The following LGR6 variants were observed in gnomAD, a reference collection of about 807,000 sequenced individuals.
The protein encoded by LGR6 is leucine rich repeat containing G protein-coupled receptor 6.
In LGR6, 45 loss-of-function variants were observed where a neutral mutation model predicts 69.4. The ratio of observed to expected loss-of-function variants is 0.65; its 90% CI spans 0.51 to 0.83. The LOEUF is 0.83. Among genes scored for constraint, LGR6 ranks in the 40% least tolerant of loss-of-function variants. The pLI is 0.00. For missense variants in LGR6, 1,108 were observed against 1,246.7 expected (o/e 0.89, Z 1.68); for synonymous variants, 538 against 555.0 (o/e 0.97, Z 0.43).
At chr1:202,213,553 C>T (rs1421676248) in intron 1 of LGR6, among the ~76,000 whole-genome samples, 3 of 152,118 alleles carry the variant, frequency 2.0e-5, no homozygotes, top group Non-Finnish European at 4.4e-5. Context: ...TGACCCAGAA[C>T]GCCCTCCTCT....
At chr1:202,239,835 A>G (rs930280935) in intron 4 of LGR6, among the ~76,000 whole-genome samples, 9 of 152,160 alleles carry the variant, frequency 5.9e-5, no homozygotes, top group African/African-American at 2.2e-4. Flanking sequence ...CCATTTCTTT[A>G]TCAGTAAAAT....
intron 4 of LGR6, among the ~76,000 whole-genome samples, chr1:202,253,165 A>T (rs1663412765): frequency 2.0e-5 from 3 of 152,218 alleles, no homozygotes; most frequent in Non-Finnish European, 4.4e-5. Flanking sequence ...AAATTGTCTG[A>T]ACATTCTGAG....
chr1:202,234,974 CCTT>C (rs144499081), intron 3 of LGR6, among the ~76,000 whole-genome samples: 5,934 of 152,280 alleles, frequency 0.039, 368 homozygotes, highest in African/African-American at 0.13. Flanking sequence ...TGTGTGCTCT[CCTT>C]CTCATTTCTG....
chr1:202,293,930 C>G (rs1388074749), intron 6 of LGR6, among the ~76,000 whole-genome samples: 1 of 152,208 alleles, frequency 6.6e-6, no homozygotes, highest in Admixed American at 6.5e-5. Context: ...AGGGCTGGAA[C>G]TACTCAATGG....
At chr1:202,272,026 C>T (rs968564985) in intron 4 of LGR6, among the ~76,000 whole-genome samples, 18 of 152,048 alleles carry the variant, frequency 1.2e-4, no homozygotes, top group African/African-American at 3.9e-4. Flanking sequence ...GTATTTGTGG[C>T]TACATCTGTG....
chr1:202,318,761 G>C lies in LGR6; in HGVS notation c.2458G>C (p.Ala820Pro). 1 of 1,613,548 alleles carries C rather than the reference G, an allele frequency of 6.2e-7. No individual in the cohort carries two copies. Among genetic ancestry groups the C allele is most frequent in the Non-Finnish European group, 8.5e-7 (1 of 1,180,016 alleles). Residue 820 changes from alanine (A) to proline (P), a missense_variant, in exon 18 of 18, where the codon GCC becomes CCC. By Grantham distance (27) the Ala-to-Pro change is conservative (BLOSUM62 -1). Coordinates refer to ENST00000367278, the MANE Select transcript of LGR6 (RefSeq NM_001017403.2). ...SVLLVVLPLP[A>P]CLNPLLYLLF... is the part of the protein sequence containing the mutation. ...CCTGCTGGTGGTGCTGCCCCTGCCTGCCTGCCTCAACCCACTGCTGTACCT... is the reference window on the plus strand; with the variant it reads ...CCTGCTGGTGGTGCTGCCCCTGCCTCCCTGCCTCAACCCACTGCTGTACCT...
intron 16 of LGR6, among the ~76,000 whole-genome samples, chr1:202,310,759 T>G (rs995750813): frequency 6.6e-6 from 1 of 152,156 alleles, no homozygotes; most frequent in Admixed American, 6.5e-5. Context: ...AGGATTTAAT[T>G]AAATCAATTG....
chr1:202,245,963 C>T (rs888423265), intron 4 of LGR6, among the ~76,000 whole-genome samples: 1 of 151,142 alleles, frequency 6.6e-6, no homozygotes, highest in African/African-American at 2.4e-5. Context: ...TCCATTCATC[C>T]ATCCCTCCCT....
chr1:202,203,366 C>T lies in LGR6; in HGVS notation c.212+9165C>T, dbSNP rs546712208. 1.3e-3 allele frequency among the ~76,000 whole-genome samples: 200 copies of T among 152,258 alleles called. 1 individual carries two copies. The highest frequency in any genetic ancestry group is 3.7e-3 in the Admixed American group (56 of 15,302). On this transcript the variant is annotated intron_variant, in intron 1 of 17. Transcript: ENST00000367278. ...CCAACATGCTCCATGTTCCTTTGCA[C>T]GAAGAAGAACAGCGCAGTTCGGTAG...
intron 4 of LGR6, among the ~76,000 whole-genome samples, chr1:202,237,188 C>G (rs372162188): frequency 2.0e-5 from 3 of 152,220 alleles, no homozygotes; most frequent in Non-Finnish European, 4.4e-5. Flanking sequence ...CTTCTGCCCC[C>G]CCTTCCCAAT....
At position 202,318,522 on chromosome 1, in the gene LGR6, A is replaced by T; in HGVS notation, c.2219A>T (p.Asn740Ile). The change falls in exon 18 of 18, where the codon AAC becomes ATC. Residue 740 changes from asparagine to isoleucine, a missense_variant. By Grantham distance (149) the Asn-to-Ile change is moderately radical. Transcript: ENST00000367278. Reference sequence around the variant, plus strand: ...TTCACCGTGGCCCTGGTGATGATGAACTCCTTCTGTTTCCTGGTCGTGGCC... The same window carrying T: ...TTCACCGTGGCCCTGGTGATGATGATCTCCTTCTGTTTCCTGGTCGTGGCC... ...LGFTVALVMMNSFCFLVVAGA... is the reference protein window; with the variant it reads ...LGFTVALVMMISFCFLVVAGA... 1 of 1,613,528 alleles carries T rather than the reference A, an allele frequency of 6.2e-7. No homozygotes were observed. The highest frequency in any genetic ancestry group is 8.5e-7 in the Non-Finnish European group (1 of 1,179,826).
chr1:202,304,687 A>G (rs1381576903), intron 11 of LGR6, 57 bp downstream of exon 11: 3 of 1,356,566 alleles, frequency 2.2e-6, no homozygotes, highest in Admixed American at 3.4e-5. Context: ...CCCATGTCCC[A>G]CAAAAGGCCT....
At position 202,314,806 on chromosome 1, in the gene LGR6, C is replaced by T. The variant is rs1654017875; in HGVS notation, c.1572C>T (p.Asp524=). The change falls in exon 17 of 18, where the codon GAC becomes GAT. Residue 524 remains aspartate, a synonymous_variant. Coordinates refer to ENST00000367278, the MANE Select transcript of LGR6 (RefSeq NM_001017403.2). ...TCACTTTGTCTCTCCTTTCAGATGACCAGGACCTGGATGAGCTCCAGCTGG... is the reference window on the plus strand; with the variant it reads ...TCACTTTGTCTCTCCTTTCAGATGATCAGGACCTGGATGAGCTCCAGCTGG... The part of the protein sequence containing the change: ...LLARQAENHY[D]QDLDELQLEM... 6.2e-7 allele frequency: 1 copy of T among 1,613,358 alleles called. No individual in the cohort carries two copies.
At chr1:202,214,592 C>G (rs796601950) in intron 1 of LGR6, among the ~76,000 whole-genome samples, 17 of 152,282 alleles carry the variant, frequency 1.1e-4, no homozygotes, top group African/African-American at 4.1e-4. Context: ...CAATTCTTAA[C>G]TTTGTGGCAC....
At chr1:202,251,300 G>T (rs1022069587) in intron 4 of LGR6, among the ~76,000 whole-genome samples, 14 of 152,142 alleles carry the variant, frequency 9.2e-5, no homozygotes, top group African/African-American at 3.4e-4. Context: ...AATGAGAAAA[G>T]AAACTCGTTA....
At chr1:202,254,047 C>A (rs1437263010) in intron 4 of LGR6, among the ~76,000 whole-genome samples, 1 of 151,788 alleles carries the variant, frequency 6.6e-6, no homozygotes, top group Non-Finnish European at 1.5e-5. Context: ...CCTCGTGATC[C>A]GCCCGCCTCG....
chr1:202,306,790 C>T (rs746259554), intron 12 of LGR6, 78 bp from the exon 13 acceptor site: 14 of 1,321,008 alleles, frequency 1.1e-5, no homozygotes, highest in Non-Finnish European at 1.5e-5. Flanking sequence ...CTACTTTCTT[C>T]CTCCCAGTGC....
At chr1:202,315,936 A>T (rs1480915466) in intron 17 of LGR6, among the ~76,000 whole-genome samples, 1 of 152,252 alleles carries the variant, frequency 6.6e-6, no homozygotes, top group Non-Finnish European at 1.5e-5. Flanking sequence ...TAAAAGAGGA[A>T]GTTCCAAAAG....
At chr1:202,264,226 G>A (rs1401570427) in intron 4 of LGR6, among the ~76,000 whole-genome samples, 1 of 152,108 alleles carries the variant, frequency 6.6e-6, no homozygotes, top group Non-Finnish European at 1.5e-5. Flanking sequence ...TGGTTGATAT[G>A]GACTTTTCCC....
Sources: gnomAD v4.1 joint callset for allele counts (sites outside exome capture counted in the v4.1 genomes callset) on GRCh38, gnomAD v4.1.1 for gene constraint, MANE v1.5 for transcripts, NCBI Gene and HGNC (gene_info 2026-07-23, HGNC 2026-07-21) for gene names.